The following RBFOX1 variants were observed in gnomAD, a reference collection of about 807,000 sequenced individuals.
RBFOX1 encodes the protein RNA binding fox-1 homolog 1, also known as RNA binding protein fox-1 homolog 1.
A neutral mutation model predicts 57.7 loss-of-function variants in RBFOX1; 8 were observed. That is an observed-to-expected ratio of 0.14 (90% CI 0.08 to 0.25). The LOEUF is 0.25. Among genes scored for constraint, RBFOX1 ranks in the 10% least tolerant of loss-of-function variants. RBFOX1 has a pLI of 1.00. For synonymous variants in RBFOX1, 326 were observed against 222.4 expected (o/e 1.47, Z -4.15); for missense variants, 611 against 548.5 (o/e 1.11, Z -1.14).
chr16:7,021,428 G>A (rs901026195), intron 3 of RBFOX1, among the ~76,000 whole-genome samples: 30 of 138,292 alleles, frequency 2.2e-4, no homozygotes, highest in African/African-American at 7.6e-4. Context: ...TTATATATTT[G>A]TATATATGTT....
chr16:7,021,629 T>C (rs1288915662), intron 3 of RBFOX1, among the ~76,000 whole-genome samples: 7 of 147,276 alleles, frequency 4.8e-5, no homozygotes, highest in Non-Finnish European at 1.0e-4. Flanking sequence ...ATTTTATAAA[T>C]TATATAAAAA....
intron 1 of RBFOX1, among the ~76,000 whole-genome samples, chr16:5,391,906 C>G (rs2066420850): frequency 6.6e-6 from 1 of 151,224 alleles, no homozygotes; most frequent in African/African-American, 2.4e-5. Flanking sequence ...CACACACACA[C>G]ACGCACACAC....
chr16:6,762,965 T>C (rs1386982103), intron 3 of RBFOX1, among the ~76,000 whole-genome samples: 2 of 152,112 alleles, frequency 1.3e-5, no homozygotes, highest in African/African-American at 2.4e-5. Context: ...CAAATGAAGA[T>C]AGAGGAATAC....
intron 3 of RBFOX1, among the ~76,000 whole-genome samples, chr16:5,711,667 C>T (rs1015261198): frequency 6.6e-6 from 1 of 152,124 alleles, no homozygotes; most frequent in African/African-American, 2.4e-5. Flanking sequence ...TCTTAAAGGG[C>T]CTTGCATGCC....
chr16:5,537,703 CCTT>C (rs1257385786), intron 2 of RBFOX1, among the ~76,000 whole-genome samples: 1 of 152,142 alleles, frequency 6.6e-6, no homozygotes, highest in Non-Finnish European at 1.5e-5. Context: ...CTGGTTGAAT[CCTT>C]CTCATTTTTC....
intron 3 of RBFOX1, among the ~76,000 whole-genome samples, chr16:5,626,408 C>T (rs1320751217): frequency 6.6e-6 from 1 of 152,154 alleles, no homozygotes; most frequent in African/African-American, 2.4e-5. Flanking sequence ...TCAGGTTGGA[C>T]TGGGACTCAC....
intron 1 of RBFOX1, among the ~76,000 whole-genome samples, chr16:5,418,881 G>C (rs894926391): frequency 6.6e-6 from 1 of 152,184 alleles, no homozygotes; most frequent in Non-Finnish European, 1.5e-5. Flanking sequence ...TACCCAAACT[G>C]AGAATTACAG....
At chr16:6,900,620 G>C (rs965202438) in intron 3 of RBFOX1, among the ~76,000 whole-genome samples, 26 of 152,148 alleles carry the variant, frequency 1.7e-4, no homozygotes, top group African/African-American at 6.3e-4. Flanking sequence ...CACAGCAGAT[G>C]CTATTCCCTC....
chr16:7,497,583 G>A (rs904066224), intron 4 of RBFOX1, among the ~76,000 whole-genome samples: 6 of 152,080 alleles, frequency 3.9e-5, no homozygotes, highest in Non-Finnish European at 8.8e-5. Flanking sequence ...TTATATTAAT[G>A]CAAAAACAAA....
chr16:7,365,676 G>A (rs2097428950), intron 4 of RBFOX1, among the ~76,000 whole-genome samples: 1 of 152,116 alleles, frequency 6.6e-6, no homozygotes, highest in Admixed American at 6.5e-5. Context: ...GCACAGTAAA[G>A]GTACTTTACT....
At chr16:6,486,842 A>G (rs1345342503) in intron 2 of RBFOX1, among the ~76,000 whole-genome samples, 4 of 152,076 alleles carry the variant, frequency 2.6e-5, no homozygotes, top group Non-Finnish European at 4.4e-5. Context: ...GGAGCAAATG[A>G]GAAGAATTTT....
intron 2 of RBFOX1, among the ~76,000 whole-genome samples, chr16:6,513,768 C>G (rs990025687): frequency 2.6e-5 from 4 of 152,022 alleles, no homozygotes; most frequent in African/African-American, 4.8e-5. Context: ...AAAACAAAGT[C>G]TGGAAACCAT....
At chr16:5,692,295 C>T (rs1596782676) in intron 3 of RBFOX1, among the ~76,000 whole-genome samples, 1 of 151,876 alleles carries the variant, frequency 6.6e-6, no homozygotes, top group Admixed American at 6.6e-5. Context: ...TGAGAAAACA[C>T]TGTGGAAGAG....
chr16:5,399,050 G>T (rs1367122465), intron 1 of RBFOX1, among the ~76,000 whole-genome samples: 2 of 152,190 alleles, frequency 1.3e-5, no homozygotes, highest in African/African-American at 4.8e-5. Context: ...CTTTCCTCCA[G>T]ACCCCTTCTT....
chr16:5,669,351 C>G lies in RBFOX1; in HGVS notation c.318+70390C>G, dbSNP rs564670375. On this transcript the variant is annotated intron_variant, in intron 3 of 19. Transcript: ENST00000641259. ...TTCTGCAAAAGCCTCAAGGCTTGGG[C>G]TCTTTGGGTTCACCTGGGTCAGAAA... 1.4e-3 allele frequency among the ~76,000 whole-genome samples: 208 copies of G among 151,588 alleles called. 1 individual carries two copies. The highest frequency in any genetic ancestry group is 4.7e-3 in the African/African-American group (194 of 41,268).
chr16:7,676,538 CTCT>C (rs2073329523), intron 13 of RBFOX1, among the ~76,000 whole-genome samples: 1 of 152,166 alleles, frequency 6.6e-6, no homozygotes, highest in Non-Finnish European at 1.5e-5. Context: ...GGCCTCTAGG[CTCT>C]TCTTTTGGGA....
chr16:7,179,086 A>C (rs906522769), intron 4 of RBFOX1, among the ~76,000 whole-genome samples: 1 of 152,116 alleles, frequency 6.6e-6, no homozygotes, highest in Non-Finnish European at 1.5e-5. Context: ...TTAATGTACA[A>C]AGTTCAACTT....
chr16:6,131,088 A>G (rs1418774122), intron 1 of RBFOX1, among the ~76,000 whole-genome samples: 2 of 152,190 alleles, frequency 1.3e-5, no homozygotes, highest in African/African-American at 4.8e-5. Flanking sequence ...ATGATGCTCA[A>G]GAGTAGAAAA....
At chr16:7,220,682 A>G (rs992716034) in intron 4 of RBFOX1, among the ~76,000 whole-genome samples, 6 of 152,082 alleles carry the variant, frequency 3.9e-5, no homozygotes, top group Non-Finnish European at 8.8e-5. Flanking sequence ...GGATGGCAGT[A>G]TTTCTCTGAT....
Sources: allele counts gnomAD v4.1 joint callset (sites outside exome capture counted in the v4.1 genomes callset), GRCh38; gene constraint gnomAD v4.1.1; transcripts MANE v1.5; gene names NCBI Gene and HGNC (gene_info 2026-07-23, HGNC 2026-07-21).